Variants in TTC28 observed in about 807,000 individuals in gnomAD.
TTC28 encodes tetratricopeptide repeat protein 28.
In TTC28, 61 loss-of-function variants were observed where a neutral mutation model predicts 198.0. That is an observed-to-expected ratio of 0.31 (90% confidence interval 0.25 to 0.38). The LOEUF (loss-of-function observed/expected upper bound fraction) is 0.38. Among genes scored for constraint, TTC28 ranks in the 10% least tolerant of loss-of-function variants. TTC28 has a pLI of 1.00. For synonymous variants in TTC28, 1,171 were observed against 1,297.8 expected (o/e 0.90, Z 2.10); for missense variants, 2,678 against 3,164.0 (o/e 0.85, Z 3.69).
chr22:28,288,769 C>T (rs2044734467), intron 5 of TTC28, among the ~76,000 whole-genome samples: 1 of 149,528 alleles, frequency 6.7e-6, no homozygotes, highest in Admixed American at 6.7e-5. Context: ...GCCGAGATCA[C>T]GCTACTGCAC....
intron 5 of TTC28, among the ~76,000 whole-genome samples, chr22:28,199,931 AC>A (rs1020062126): frequency 2.0e-5 from 3 of 152,118 alleles, no homozygotes; most frequent in African/African-American, 7.2e-5. Context: ...TATAATTTTT[AC>A]TTTTTAAAAT....
rs1261059334 is a variant in TTC28 at position 28,212,114 on chromosome 22, C to T, written c.934-48515G>A. On this transcript the variant is annotated intron_variant, in intron 5 of 22. Coordinates refer to ENST00000397906, the MANE Select transcript of TTC28 (RefSeq NM_001145418.2). ...ACACAACATGCCAGAATCTCTGGGA[C>T]ACATTTAAAGCAGTGCATAGAGGGA... Among the ~76,000 whole-genome samples the T allele has an allele frequency of 2.0e-5, 3 of 152,086 alleles. No homozygotes were observed. In the East Asian group the frequency reaches 5.8e-4, roughly 29 times the overall value.
intron 2 of TTC28, among the ~76,000 whole-genome samples, chr22:28,457,413 T>C (rs2047878358): frequency 6.6e-6 from 1 of 152,182 alleles, no homozygotes; most frequent in African/African-American, 2.4e-5. Context: ...ACTACAAAGA[T>C]AAAATTTTTA....
intron 5 of TTC28, among the ~76,000 whole-genome samples, chr22:28,209,089 T>G (rs2147172683): frequency 6.6e-6 from 1 of 152,308 alleles, no homozygotes; most frequent in South Asian, 2.1e-4. Context: ...ATTTTCATAC[T>G]CTATAGATCA....
At chr22:28,223,064 C>A (rs1446108108) in intron 5 of TTC28, among the ~76,000 whole-genome samples, 1 of 152,140 alleles carries the variant, frequency 6.6e-6, no homozygotes, top group Non-Finnish European at 1.5e-5. Context: ...AGAAAATATC[C>A]AGGAACTGAA....
chr22:28,574,379 T>C (rs2050112859), intron 2 of TTC28, among the ~76,000 whole-genome samples: 1 of 151,538 alleles, frequency 6.6e-6, no homozygotes, highest in Non-Finnish European at 1.5e-5. Context: ...GTGTGTGTTG[T>C]GTGTGAGTGT....
rs924573492 is a variant in TTC28, at chr22:28,334,094, A to G, written c.382-27451T>C. On this transcript the variant is annotated intron_variant, in intron 2 of 22. Transcript: ENST00000397906. Reference sequence around the variant, plus strand: ...TCAATTCCCACCTATGAGTGACAACATAAGGTGTTTGGTTTTTTCTCCTTG... The same window carrying G: ...TCAATTCCCACCTATGAGTGACAACGTAAGGTGTTTGGTTTTTTCTCCTTG... Among the ~76,000 whole-genome samples the G allele has an allele frequency of 2.0e-5, 3 of 148,912 alleles. No homozygotes were observed. The Admixed American group carries it at 2.1e-4, about 10-fold the overall frequency.
intron 2 of TTC28, among the ~76,000 whole-genome samples, chr22:28,548,911 T>C (rs1042709549): frequency 6.6e-6 from 1 of 152,228 alleles, no homozygotes; most frequent in African/African-American, 2.4e-5. Flanking sequence ...TTAAGAGGAC[T>C]TCACCTGACT....
chr22:28,100,871 T>C (rs945720133), intron 9 of TTC28, among the ~76,000 whole-genome samples: 2 of 152,240 alleles, frequency 1.3e-5, no homozygotes, highest in African/African-American at 4.8e-5. Context: ...GAAATTTAAT[T>C]ATGAATTTTT....
intron 2 of TTC28, among the ~76,000 whole-genome samples, chr22:28,475,378 A>T (rs1189355380): frequency 1.3e-5 from 2 of 151,950 alleles, no homozygotes; most frequent in African/African-American, 4.8e-5. Flanking sequence ...ACACCAATTA[A>T]ACTAATGTAC....
intron 6 of TTC28, among the ~76,000 whole-genome samples, chr22:28,120,504 A>AT (rs1942756386): frequency 6.6e-6 from 1 of 152,090 alleles, no homozygotes; most frequent in South Asian, 2.1e-4. Context: ...AGCCCAGCAC[A>AT]TTTTTTTCCC....
intron 3 of TTC28, among the ~76,000 whole-genome samples, chr22:28,303,145 G>A (rs578229796): frequency 6.6e-6 from 1 of 152,098 alleles, no homozygotes; most frequent in Admixed American, 6.5e-5. Context: ...AGCAAGAAGC[G>A]GCCCTAGCAT....
chr22:28,482,425 G>GT (rs1480247543), intron 2 of TTC28, among the ~76,000 whole-genome samples: 1 of 151,656 alleles, frequency 6.6e-6, no homozygotes, highest in Non-Finnish European at 1.5e-5. Context: ...AGCCAGGATG[G>GT]TCTCGATCTC....
chr22:28,161,222 A>C (rs1601405249), intron 6 of TTC28, among the ~76,000 whole-genome samples: 1 of 152,170 alleles, frequency 6.6e-6, no homozygotes, highest in Non-Finnish European at 1.5e-5. Flanking sequence ...TGTATCTGTA[A>C]ATGCTTGTAA....
intron 2 of TTC28, among the ~76,000 whole-genome samples, chr22:28,391,922 T>G (rs575249280): frequency 1.1e-4 from 16 of 152,340 alleles, no homozygotes; most frequent in African/African-American, 2.9e-4. Flanking sequence ...GGCGCTCTGC[T>G]TTTTAGAGTT....
In TTC28 at chr22:28,671,561, G is replaced by A. The variant is rs1009225524; in HGVS notation, c.102+8061C>T. On this transcript the variant is annotated intron_variant, in intron 1 of 22. Transcript: ENST00000397906. ...GAGGCAGGAGAATGGCGTGAACCCG[G>A]TAGGCAGAGCTTGCAATGAGCCGAG... Among the ~76,000 whole-genome samples, 3 of 148,684 alleles carry A rather than the reference G, an allele frequency of 2.0e-5. No homozygotes were observed. The Admixed American group carries it at 2.0e-4, about 10-fold the overall frequency.
chr22:28,120,883 T>C lies in TTC28; in HGVS notation c.1442-12480A>G, dbSNP rs541624044. Among the ~76,000 whole-genome samples, 97 of 152,324 alleles carry C rather than the reference T, an allele frequency of 6.4e-4. 1 individual carries two copies. In the South Asian group the frequency reaches 0.02, roughly 31 times the overall value. The stretch of plus-strand genomic sequence containing the variant: ...TCACACTGGATGGAAATTCAAACTC[T>C]ATGATTGTGTGAAGTGTTCTAGCTA... On this transcript the variant is annotated intron_variant, in intron 6 of 22. Coordinates refer to ENST00000397906, the MANE Select transcript of TTC28 (RefSeq NM_001145418.2).
chr22:28,154,350 C>CT (rs1177429456), intron 6 of TTC28, among the ~76,000 whole-genome samples: 4 of 128,576 alleles, frequency 3.1e-5, no homozygotes, highest in Admixed American at 7.7e-5. Flanking sequence ...CTTTTCTTTT[C>CT]TTTTTCTTTT....
intron 6 of TTC28, among the ~76,000 whole-genome samples, chr22:28,122,917 C>T (rs1357219241): frequency 1.3e-5 from 2 of 152,202 alleles, no homozygotes; most frequent in African/African-American, 4.8e-5. Context: ...CTTAGGAAGT[C>T]CTGGGACAGA....
Sources: allele counts gnomAD v4.1 joint callset (sites outside exome capture counted in the v4.1 genomes callset), GRCh38; gene constraint gnomAD v4.1.1; transcripts MANE v1.5; gene names NCBI Gene and HGNC (gene_info 2026-07-23, HGNC 2026-07-21).